The following FLOT2 variants were observed in gnomAD, a reference collection of about 807,000 sequenced individuals.
FLOT2 encodes flotillin-2.
FLOT2 carries 35 observed loss-of-function variants against 54.9 expected under a neutral mutation model. The ratio of observed to expected loss-of-function variants is 0.64; its 90% confidence interval spans 0.49 to 0.84. FLOT2 has a LOEUF of 0.84. Among genes scored for constraint, FLOT2 ranks in the 40% least tolerant of loss-of-function variants. FLOT2 has a pLI of 0.00. For synonymous variants in FLOT2, 207 were observed against 228.9 expected, an observed-to-expected ratio of 0.90 and a Z score of 0.86; for missense variants, 464 against 572.1, an observed-to-expected ratio of 0.81 and a Z score of 1.93.
At chr17:28,885,381 C>T (rs1045127083) in intron 2 of FLOT2, among the ~76,000 whole-genome samples, 5 of 152,174 alleles carry the variant, frequency 3.3e-5, no homozygotes, top group South Asian at 2.1e-4. Flanking sequence ...GCTGGGAACC[C>T]GCTGGCACAC....
At position 28,883,360 on chromosome 17, in the gene FLOT2, G is replaced by T; in HGVS notation, c.223-129C>A. ...TTTTCAGACCTGGAGGCCCTGGGGG[G>T]CTGGAATCTGTCTGAAGCCTCTAGT... On this transcript the variant is annotated intron_variant, in intron 3 of 10. Transcript: ENST00000394908. This position sits in a 1 kb window ranked among gnomAD's most constrained non-coding sequence, Gnocchi z 5.0. The T allele has an allele frequency of 1.7e-6, 2 of 1,154,530 alleles. No individual in the cohort carries two copies. Among genetic ancestry groups the T allele is most frequent in the Middle Eastern group, 2.7e-4 (1 of 3,650 alleles). The allele number at this position is 1,154,530 out of a possible 1,614,324, so 71.5% of individuals were successfully genotyped here.
Position 28,879,840 on chromosome 17 carries a change from T to C in FLOT2, c.*721A>G. ...GCAGGAACATGCCCATGAAGAGGCC[T>C]TCCCTGAGCACAAGCAGGGGCCTCC... is the stretch of plus-strand genomic sequence containing the variant. On this transcript the variant is annotated 3_prime_UTR_variant, in exon 11 of 11. Transcript: ENST00000394908. 1.0e-6 allele frequency: 1 copy of C among 986,044 alleles called. No homozygotes were observed. Among genetic ancestry groups the C allele is most frequent in the African/African-American group, 1.7e-5 (1 of 57,380 alleles). 61.1% of individuals were successfully genotyped at this position (986,044 alleles called of 1,614,324 possible). A position where few individuals can be genotyped will look rare whatever the true frequency, so the allele number is the denominator to read the frequency against.
chr17:28,895,884 G>C (rs1009321604), intron 1 of FLOT2, among the ~76,000 whole-genome samples: 2 of 152,174 alleles, frequency 1.3e-5, no homozygotes, highest in Non-Finnish European at 1.5e-5. Context: ...AAACTGGGCT[G>C]GGTGAGATGC....
intron 2 of FLOT2, among the ~76,000 whole-genome samples, chr17:28,887,162 G>C (rs2039562247): frequency 6.6e-6 from 1 of 152,164 alleles, no homozygotes; most frequent in African/African-American, 2.4e-5. Flanking sequence ...GCAAAATGCA[G>C]CAGGAGGGGT....
At chr17:28,881,703 C>T in intron 8 of FLOT2, 111 bp downstream of exon 8, 1 of 947,388 alleles carries the variant, frequency 1.1e-6, no homozygotes, top group Non-Finnish European at 1.6e-6. Context: ...TAAGAAGACA[C>T]AGTGGAGGGG....
Position 28,886,048 on chromosome 17 carries a change from C to T in FLOT2, c.132-1733G>A, listed in dbSNP as rs537256056. The T allele has an allele frequency of 1.2e-3, 734 of 591,500 alleles. 25 individuals carry two copies. The Admixed American group carries it at 0.016, about 13-fold the overall frequency. The allele number at this position is 591,500 out of a possible 1,614,324, so 36.6% of individuals were successfully genotyped here. A position where few individuals can be genotyped will look rare whatever the true frequency, so the allele number is the denominator to read the frequency against. On this transcript the variant is annotated intron_variant, in intron 2 of 10. Transcript: ENST00000394908. Reference sequence around the variant, plus strand: ...TTACCAGACAAGCACCGATGCCTGACGCCTGGGGGCGGGGGGGGGCATGCT... The same window carrying T: ...TTACCAGACAAGCACCGATGCCTGATGCCTGGGGGCGGGGGGGGGCATGCT...
chr17:28,883,242 C>A lies in FLOT2; in HGVS notation c.223-11G>T, dbSNP rs1350873213. On this transcript the variant is annotated splice_polypyrimidine_tract_variant and intron_variant, in intron 3 of 10. Coordinates refer to ENST00000394908, the MANE Select transcript of FLOT2 (RefSeq NM_004475.3). The surrounding 1 kb of genome is among the most constrained non-coding windows in gnomAD (Gnocchi z 5.0). ...CGTCATGATCTTCACCTGTCAGTGA[C>A]GACAAAGGCGCTTCAGCTAGGCTGG... is the stretch of plus-strand genomic sequence containing the variant. 1.2e-6 allele frequency: 2 copies of A among 1,613,980 alleles called. No homozygotes were observed. The highest frequency in any genetic ancestry group is 1.1e-5 in the South Asian group (1 of 91,086).
At position 28,880,142 on chromosome 17, in the gene FLOT2, G is replaced by A. The variant is rs999004827; in HGVS notation, c.*419C>T. ...CCTACCCAGAACCCCTGCCCATGCT[G>A]AGCTCTGGCCAGGGCCATAGGGAGG... On this transcript the variant is annotated 3_prime_UTR_variant, in exon 11 of 11. Transcript: ENST00000394908. The A allele has an allele frequency of 9.6e-7, 1 of 1,044,460 alleles. No individual in the cohort carries two copies. Among genetic ancestry groups the A allele is most frequent in the Non-Finnish European group, 1.2e-6 (1 of 865,292 alleles). 64.7% of individuals were successfully genotyped at this position (1,044,460 alleles called of 1,614,324 possible).
chr17:28,885,522 A>C, intron 2 of FLOT2: 2 of 710,560 alleles, frequency 2.8e-6, no homozygotes, highest in Non-Finnish European at 2.6e-6. Flanking sequence ...CAGAGTAAGC[A>C]TTTGGAGCTA....
At chr17:28,881,040 G>A in intron 9 of FLOT2, 152 bp downstream of exon 9, 1 of 1,023,862 alleles carries the variant, frequency 9.8e-7, no homozygotes, top group Non-Finnish European at 1.4e-6. Context: ...GCCTTTGTAG[G>A]GTTCCTGCCC....
Position 28,881,306 on chromosome 17 carries a change from T to G in FLOT2, c.984A>C (p.Ala328=). Residue 328 remains alanine, a synonymous_variant, in exon 9 of 11, where the codon GCA becomes GCC. Transcript: ENST00000394908. ...KIRKIGEAEA[A]VIEAMGKAEA... ...CTGCCTTGCCCATCGCCTCGATGAC[T>G]GCCGCTTCCGCCTCCCCGATTTTGC... is the stretch of plus-strand genomic sequence containing the variant. The G allele has an allele frequency of 6.2e-7, 1 of 1,614,074 alleles. No homozygotes were observed. The highest frequency in any genetic ancestry group is 1.3e-5 in the African/African-American group (1 of 75,066).
chr17:28,883,185 T>C lies in FLOT2; in HGVS notation c.269A>G (p.Gln90Arg). ...EKELLAVACE[Q>R]FLGKNVQDIK... ...GTCCTGCACATTCTTACCCAGAAACTGCTCACAAGCCACGGCCAGGAGTTC... is the reference window on the plus strand; with the variant it reads ...GTCCTGCACATTCTTACCCAGAAACCGCTCACAAGCCACGGCCAGGAGTTC... Residue 90 changes from glutamine (Q) to arginine (R), a missense_variant, in exon 4 of 11, where the codon CAG becomes CGG. Gln to Arg is a conservative substitution (Grantham distance 43, BLOSUM62 1). Transcript: ENST00000394908. The surrounding 1 kb of genome is among the most constrained non-coding windows in gnomAD (Gnocchi z 5.0). The C allele has an allele frequency of 1.2e-6, 2 of 1,614,080 alleles. No homozygotes were observed. Among genetic ancestry groups the C allele is most frequent in the Non-Finnish European group, 1.7e-6 (2 of 1,179,998 alleles).
At position 28,880,436 on chromosome 17, in the gene FLOT2, C is replaced by A; in HGVS notation, c.*125G>T. ...GACAGCCAGAGATGGCCTGAACACGCAGCACTTCTGGTCCCTTCGAGATAA... is the reference window on the plus strand; with the variant it reads ...GACAGCCAGAGATGGCCTGAACACGAAGCACTTCTGGTCCCTTCGAGATAA... On this transcript the variant is annotated 3_prime_UTR_variant, in exon 11 of 11. Coordinates refer to ENST00000394908, the MANE Select transcript of FLOT2 (RefSeq NM_004475.3). 1 of 1,519,604 alleles carries A rather than the reference C, an allele frequency of 6.6e-7. No individual in the cohort carries two copies. The allele number at this position is 1,519,604 out of a possible 1,614,324, so 94.1% of individuals were successfully genotyped here. A position where few individuals can be genotyped will look rare whatever the true frequency, so the allele number is the denominator to read the frequency against.
intron 1 of FLOT2, among the ~76,000 whole-genome samples, chr17:28,893,974 G>A (rs2039695843): frequency 6.6e-6 from 1 of 152,204 alleles, no homozygotes; most frequent in Non-Finnish European, 1.5e-5. Context: ...GGATTTTAAG[G>A]CAGTAGCTTG....
Position 28,897,585 on chromosome 17 carries a change from G to A in FLOT2, c.-11C>T. On this transcript the variant is annotated 5_prime_UTR_variant, in exon 1 of 11. Coordinates refer to ENST00000394908, the MANE Select transcript of FLOT2 (RefSeq NM_004475.3). The surrounding 1 kb of genome is among the most constrained non-coding windows in gnomAD (Gnocchi z 4.4). Reference sequence around the variant, plus strand: ...GTGGCAATTGCCCATGGCGCCGGCGGCACGGAGGGCCCTCGGGACCGCACA... The same window carrying A: ...GTGGCAATTGCCCATGGCGCCGGCGACACGGAGGGCCCTCGGGACCGCACA... 1.3e-6 allele frequency: 2 copies of A among 1,591,576 alleles called. No individual in the cohort carries two copies. The highest frequency in any genetic ancestry group is 1.7e-6 in the Non-Finnish European group (2 of 1,169,718).
rs373530346 is a variant in FLOT2, at chr17:28,880,827, G to C, written c.1134C>G (p.Val378=). ...CTCCACTGAGGACCACAATCTCATC[G>C]ACCTTGGTAAGTGGGGCAGCGATTT... ...AAKIAAPLTK[V]DEIVVLSGDN... The change falls in exon 10 of 11, where the codon GTC becomes GTG. Residue 378 remains valine, a synonymous_variant. Transcript: ENST00000394908. 1.4e-4 allele frequency: 222 copies of C among 1,613,988 alleles called. No individual in the cohort carries two copies. Among genetic ancestry groups the C allele is most frequent in the Non-Finnish European group, 1.8e-4 (215 of 1,180,032 alleles).
chr17:28,887,009 T>G (rs1396274549), intron 2 of FLOT2, among the ~76,000 whole-genome samples: 5 of 144,980 alleles, frequency 3.4e-5, no homozygotes, highest in South Asian at 2.1e-4. Context: ...GAGAGGGAAA[T>G]AGGGGAGAGG....
In FLOT2 at chr17:28,882,815, G is replaced by A. The variant is rs1183198311; in HGVS notation, c.347-124C>T. On this transcript the variant is annotated intron_variant, in intron 4 of 10. Coordinates refer to ENST00000394908, the MANE Select transcript of FLOT2 (RefSeq NM_004475.3). The surrounding 1 kb of genome is among the most constrained non-coding windows in gnomAD (Gnocchi z 5.6). Reference sequence around the variant, plus strand: ...GCACTCTGAGCTGGGTCTTCCTGGGGTATCTTCTCAACAGCACTTAACACC... The same window carrying A: ...GCACTCTGAGCTGGGTCTTCCTGGGATATCTTCTCAACAGCACTTAACACC... 5 of 717,520 alleles carry A rather than the reference G, an allele frequency of 7.0e-6. No individual in the cohort carries two copies. The East Asian group carries it at 9.8e-5, about 14-fold the overall frequency. The allele number at this position is 717,520 out of a possible 1,614,324, so 44.4% of individuals were successfully genotyped here. A position where few individuals can be genotyped will look rare whatever the true frequency, so the allele number is the denominator to read the frequency against.
chr17:28,889,483 C>T (rs893594890), intron 1 of FLOT2, among the ~76,000 whole-genome samples: 1 of 151,272 alleles, frequency 6.6e-6, no homozygotes, highest in Non-Finnish European at 1.5e-5. Context: ...GTGCCCGCCA[C>T]AGCATACCTG....
Sources: gnomAD v4.1 joint callset for allele counts (sites outside exome capture counted in the v4.1 genomes callset) on GRCh38, gnomAD v4.1.1 for gene constraint, Gnocchi (gnomAD v3.1) non-coding constraint, MANE v1.5 for transcripts, NCBI Gene and HGNC (gene_info 2026-07-23, HGNC 2026-07-21) for gene names.